Variants in EMB observed in about 807,000 individuals in gnomAD.
EMB encodes embigin.
Under a neutral mutation model 41.4 loss-of-function variants are expected in EMB, and 31 were observed. The ratio of observed to expected loss-of-function variants is 0.75; its 90% CI spans 0.56 to 1.01. The LOEUF (loss-of-function observed/expected upper bound fraction) is 1.01, where lower values mean the gene tolerates loss of function less well. EMB is among the 50% of genes least tolerant of loss of function. The pLI is 0.00. For synonymous variants in EMB, 137 were observed against 140.4 expected (o/e 0.98, Z 0.17); for missense variants, 379 against 388.3 (o/e 0.98, Z 0.20).
At chr5:50,424,794 C>A (rs1283887014) in intron 2 of EMB, among the ~76,000 whole-genome samples, 1 of 152,110 alleles carries the variant, frequency 6.6e-6, no homozygotes, top group Non-Finnish European at 1.5e-5. Flanking sequence ...AAACAACCTA[C>A]AATTCTGCAA....
chr5:50,408,155 A>G (rs568708946), intron 4 of EMB, among the ~76,000 whole-genome samples: 2 of 152,108 alleles, frequency 1.3e-5, no homozygotes, highest in Admixed American at 6.6e-5. Context: ...GACAGGCTTC[A>G]CTACATTTGG....
At chr5:50,401,284 T>G (rs779418349) in intron 7 of EMB, among the ~76,000 whole-genome samples, 26 of 152,020 alleles carry the variant, frequency 1.7e-4, no homozygotes, top group Non-Finnish European at 3.4e-4. Flanking sequence ...GCAGCCTATG[T>G]GAATGGAGTC....
chr5:50,406,147 A>C (rs1479134092), intron 4 of EMB, among the ~76,000 whole-genome samples: 5 of 151,860 alleles, frequency 3.3e-5, no homozygotes, highest in Non-Finnish European at 7.4e-5. Flanking sequence ...GGTAAGAAAG[A>C]GGCTTCATGT....
upstream of EMB, among the ~76,000 whole-genome samples, chr5:50,442,067 A>G (rs1269445571): frequency 1.3e-5 from 2 of 152,202 alleles, no homozygotes; most frequent in Non-Finnish European, 2.9e-5. Flanking sequence ...TAACATTGAA[A>G]CACATTGATT....
intron 7 of EMB, among the ~76,000 whole-genome samples, chr5:50,401,728 A>G (rs562495500): frequency 6.6e-6 from 1 of 152,094 alleles, no homozygotes; most frequent in Admixed American, 6.6e-5. Flanking sequence ...ATAATAACTA[A>G]TAGAATTCTA....
intron 1 of EMB, among the ~76,000 whole-genome samples, chr5:50,431,122 C>T (rs549771157): frequency 1.3e-5 from 2 of 152,276 alleles, no homozygotes; most frequent in South Asian, 4.1e-4. Flanking sequence ...CCCTTTAAGG[C>T]ACTAATCTTG....
At position 50,396,311 on chromosome 5, in the gene EMB, C is replaced by G. The variant is rs1745065027; in HGVS notation, c.*2962G>C. ...TTACAAAATTTAATTTTTATTTATA[C>G]ATTCATCCGTTCAATACACATTTCA... On this transcript the variant is annotated 3_prime_UTR_variant, in exon 9 of 9. Coordinates refer to ENST00000303221, the MANE Select transcript of EMB (RefSeq NM_198449.3). The G allele has an allele frequency of 6.6e-6, 1 of 152,078 alleles. No homozygotes were observed. Among genetic ancestry groups the G allele is most frequent in the African/African-American group, 2.4e-5 (1 of 41,408 alleles). The allele number at this position is 152,078 out of a possible 1,614,324, so 9.4% of individuals were successfully genotyped here. A position where few individuals can be genotyped will look rare whatever the true frequency, so the allele number is the denominator to read the frequency against.
intron 5 of EMB, among the ~76,000 whole-genome samples, chr5:50,404,480 C>T (rs1193139716): frequency 7.2e-5 from 11 of 151,902 alleles, no homozygotes; most frequent in Non-Finnish European, 1.2e-4. Context: ...CCAAACTTTT[C>T]TCACATCCTA....
intron 5 of EMB, 127 bp from the exon 6 acceptor site, chr5:50,403,581 T>A: frequency 9.8e-7 from 1 of 1,016,434 alleles, no homozygotes; most frequent in Admixed American, 2.7e-5. Flanking sequence ...ATATTAAAGT[T>A]TGTGAGAGGT....
intron 2 of EMB, chr5:50,411,630 C>A (rs1745339849): frequency 3.2e-6 from 1 of 311,532 alleles, no homozygotes; most frequent in East Asian, 6.0e-5. Flanking sequence ...TAGTTATCTC[C>A]TTAAGCTCTA....
At chr5:50,416,421 G>C (rs1745432590) in intron 2 of EMB, among the ~76,000 whole-genome samples, 1 of 152,174 alleles carries the variant, frequency 6.6e-6, no homozygotes, top group Non-Finnish European at 1.5e-5. Flanking sequence ...GCAGTCTTCA[G>C]AGAAATGACA....
chr5:50,408,363 A>G (rs1223119965), intron 4 of EMB, among the ~76,000 whole-genome samples: 2 of 152,082 alleles, frequency 1.3e-5, no homozygotes, highest in African/African-American at 4.8e-5. Flanking sequence ...GCAAGTAATC[A>G]GCAACTTATT....
At chr5:50,429,869 C>T (rs1015408988) in intron 1 of EMB, among the ~76,000 whole-genome samples, 2 of 151,360 alleles carry the variant, frequency 1.3e-5, no homozygotes, top group Non-Finnish European at 2.9e-5. Context: ...ATATTTGTAC[C>T]CATATTCTCC....
At chr5:50,415,062 G>A (rs1745406875) in intron 2 of EMB, among the ~76,000 whole-genome samples, 2 of 152,076 alleles carry the variant, frequency 1.3e-5, no homozygotes, top group Non-Finnish European at 2.9e-5. Context: ...TATCCCATGA[G>A]AACTTCAAAC....
chr5:50,438,269 A>G (rs1745837895), intron 1 of EMB, among the ~76,000 whole-genome samples: 1 of 152,206 alleles, frequency 6.6e-6, no homozygotes, highest in East Asian at 1.9e-4. Flanking sequence ...CCAAGCCCCA[A>G]TTTCTTCATC....
rs796340520 is a variant in EMB at position 50,399,950 on chromosome 5, T to G, written c.912-37A>C. The G allele has an allele frequency of 2.1e-6, 3 of 1,462,224 alleles. No homozygotes were observed. In the African/African-American group the frequency reaches 4.3e-5, roughly 21 times the overall value. The allele number at this position is 1,462,224 out of a possible 1,614,324, so 90.6% of individuals were successfully genotyped here. The stretch of plus-strand genomic sequence containing the variant: ...ACAAAAAAGAAAATTACTAAATGCT[T>G]ATATTATATAAAATTAAGTCAGTAC... On this transcript the variant is annotated intron_variant, in intron 7 of 8. Transcript: ENST00000303221.
chr5:50,417,731 T>A (rs924826043), intron 2 of EMB, among the ~76,000 whole-genome samples: 1 of 152,240 alleles, frequency 6.6e-6, no homozygotes, highest in Non-Finnish European at 1.5e-5. Context: ...GCTGGTGTTA[T>A]ATGAGCTGAG....
chr5:50,428,208 T>C lies in EMB; in HGVS notation c.132A>G (p.Pro44=). Residue 44 remains proline (P), a synonymous_variant, in exon 2 of 9, where the codon CCA becomes CCG. Transcript: ENST00000303221. The part of the protein sequence containing the change: ...GSAPDSPFTS[P]PLREEIMANN... ...TTGCCATTATTTCTTCTCTGAGAGG[T>C]GGACTTGTAAAAGGCGAATCTATAA... 1 of 1,611,826 alleles carries C rather than the reference T, an allele frequency of 6.2e-7. No homozygotes were observed.
At chr5:50,418,612 C>T (rs1745466714) in intron 2 of EMB, among the ~76,000 whole-genome samples, 1 of 152,186 alleles carries the variant, frequency 6.6e-6, no homozygotes. Flanking sequence ...GAACACCTAC[C>T]ATGTGCTTTT....
Sources: gnomAD v4.1 joint callset for allele counts (sites outside exome capture counted in the v4.1 genomes callset) on GRCh38, gnomAD v4.1.1 for gene constraint, MANE v1.5 for transcripts, NCBI Gene and HGNC (gene_info 2026-07-23, HGNC 2026-07-21) for gene names.